Variants in GRM7 observed in about 807,000 individuals in gnomAD.
GRM7 encodes the protein metabotropic glutamate receptor 7.
Under a neutral mutation model 84.5 loss-of-function variants are expected in GRM7, and 35 were observed. The ratio of observed to expected loss-of-function variants is 0.41; its 90% CI spans 0.32 to 0.55. The LOEUF (loss-of-function observed/expected upper bound fraction) is 0.55, where lower values mean the gene tolerates loss of function less well. Among genes scored for constraint, GRM7 ranks in the 20% least tolerant of loss-of-function variants. GRM7 has a pLI of 0.19. For synonymous variants in GRM7, 487 were observed against 455.1 expected (o/e 1.07, Z -0.89); for missense variants, 1,003 against 1,194.6 (o/e 0.84, Z 2.36).
intron 2 of GRM7, among the ~76,000 whole-genome samples, chr3:7,287,294 C>A (rs532521667): frequency 1.1e-4 from 16 of 152,242 alleles, no homozygotes; most frequent in African/African-American, 3.9e-4. Flanking sequence ...TGTTGGAATT[C>A]TCTAAAGAAA....
intron 4 of GRM7, among the ~76,000 whole-genome samples, chr3:7,322,136 G>A (rs886095692): frequency 5.3e-5 from 8 of 152,054 alleles, no homozygotes; most frequent in Non-Finnish European, 8.8e-5. Context: ...CCTACATGGA[G>A]ATATTTCCAT....
At chr3:7,518,684 G>A (rs1453693062) in intron 7 of GRM7, among the ~76,000 whole-genome samples, 1 of 152,172 alleles carries the variant, frequency 6.6e-6, no homozygotes, top group Non-Finnish European at 1.5e-5. Flanking sequence ...AGCACCAGCT[G>A]ATCATACTCT....
intron 4 of GRM7, among the ~76,000 whole-genome samples, chr3:7,308,893 T>C (rs1161062437): frequency 6.6e-6 from 1 of 152,194 alleles, no homozygotes; most frequent in African/African-American, 2.4e-5. Context: ...ATTATTGAGG[T>C]AAAATATTAT....
chr3:7,643,744 T>C (rs1698475383), intron 8 of GRM7, among the ~76,000 whole-genome samples: 1 of 152,198 alleles, frequency 6.6e-6, no homozygotes, highest in South Asian at 2.1e-4. Flanking sequence ...AGGTTATTAA[T>C]ATCACTATCA....
intron 8 of GRM7, among the ~76,000 whole-genome samples, chr3:7,597,915 G>C (rs1296809278): frequency 6.6e-6 from 1 of 152,122 alleles, no homozygotes; most frequent in Non-Finnish European, 1.5e-5. Flanking sequence ...CAGATCTCTT[G>C]TTACATTTGA....
chr3:6,868,652 A>G (rs574775650), intron 1 of GRM7, among the ~76,000 whole-genome samples: 2 of 152,284 alleles, frequency 1.3e-5, no homozygotes, highest in African/African-American at 4.8e-5. Flanking sequence ...CACCCTTTCT[A>G]CAAACCTCAA....
intron 5 of GRM7, among the ~76,000 whole-genome samples, chr3:7,448,516 G>A (rs1207372220): frequency 1.3e-5 from 2 of 152,206 alleles, no homozygotes. Context: ...TCAGATTTCA[G>A]TTGGGAGAGG....
chr3:7,257,523 G>A (rs4686123), intron 2 of GRM7, among the ~76,000 whole-genome samples: 2 of 152,042 alleles, frequency 1.3e-5, no homozygotes, highest in South Asian at 2.1e-4. Flanking sequence ...GCTTCTGTTC[G>A]CTTCTCTTTC....
At chr3:7,404,747 C>T (rs1695601330) in intron 4 of GRM7, among the ~76,000 whole-genome samples, 3 of 151,552 alleles carry the variant, frequency 2.0e-5, no homozygotes, top group South Asian at 2.1e-4. Context: ...TCTTGTTGGT[C>T]CAGTTGGAGA....
intron 1 of GRM7, among the ~76,000 whole-genome samples, chr3:6,945,650 A>T (rs947147738): frequency 4.6e-5 from 7 of 152,124 alleles, no homozygotes; most frequent in African/African-American, 1.7e-4. Flanking sequence ...CGACTTCCAC[A>T]ATGGTTGAAC....
intron 2 of GRM7, among the ~76,000 whole-genome samples, chr3:7,253,352 C>T (rs142456310): frequency 1.2e-3 from 178 of 152,164 alleles, no homozygotes; most frequent in African/African-American, 3.6e-3. Context: ...ACTTAATTCT[C>T]GCCTGTAATC....
chr3:7,438,145 T>A (rs923501504), intron 5 of GRM7, among the ~76,000 whole-genome samples: 1 of 151,776 alleles, frequency 6.6e-6, no homozygotes, highest in African/African-American at 2.4e-5. Flanking sequence ...ATGGCCTAGT[T>A]TGCAATTTAG....
intron 2 of GRM7, among the ~76,000 whole-genome samples, chr3:7,171,611 T>C (rs147711097): frequency 1.3e-3 from 196 of 152,298 alleles, no homozygotes; most frequent in African/African-American, 4.4e-3. Context: ...CTCCATTAAA[T>C]CACTCTCTAA....
At chr3:7,449,376 C>T (rs1172867415) in intron 5 of GRM7, among the ~76,000 whole-genome samples, 1 of 152,068 alleles carries the variant, frequency 6.6e-6, no homozygotes, top group Non-Finnish European at 1.5e-5. Context: ...TCAACTTCAG[C>T]AAGGCTTCTG....
chr3:6,895,158 T>C (rs917674131), intron 1 of GRM7, among the ~76,000 whole-genome samples: 8 of 152,244 alleles, frequency 5.3e-5, no homozygotes, highest in African/African-American at 1.4e-4. Flanking sequence ...TTATTAACAC[T>C]CAATCTACTG....
chr3:7,233,820 T>C (rs1697267666), intron 2 of GRM7, among the ~76,000 whole-genome samples: 1 of 152,154 alleles, frequency 6.6e-6, no homozygotes, highest in Non-Finnish European at 1.5e-5. Context: ...ATGTCTAGGC[T>C]GGAAAAGAGG....
At chr3:7,183,161 C>A (rs928285176) in intron 2 of GRM7, among the ~76,000 whole-genome samples, 1 of 152,026 alleles carries the variant, frequency 6.6e-6, no homozygotes, top group Admixed American at 6.6e-5. Flanking sequence ...CAAAGTTTCA[C>A]GTATATATCA....
chr3:6,957,108 T>A (rs1173291834), intron 1 of GRM7, among the ~76,000 whole-genome samples: 1 of 152,244 alleles, frequency 6.6e-6, no homozygotes, highest in Non-Finnish European at 1.5e-5. Context: ...AGTGACCCTA[T>A]GAGTGTCTTT....
chr3:6,982,290 T>C (rs1214883131), intron 1 of GRM7, among the ~76,000 whole-genome samples: 1 of 152,052 alleles, frequency 6.6e-6, no homozygotes, highest in Non-Finnish European at 1.5e-5. Flanking sequence ...CACTGAGGAC[T>C]ACAAGAGGGA....
Sources: allele counts gnomAD v4.1 joint callset (sites outside exome capture counted in the v4.1 genomes callset), GRCh38; gene constraint gnomAD v4.1.1; transcripts MANE v1.5; gene names NCBI Gene and HGNC (gene_info 2026-07-23, HGNC 2026-07-21).